Variants in PRKCH observed in about 807,000 individuals in gnomAD.
PRKCH encodes the protein protein kinase C eta type.
In PRKCH, 28 loss-of-function variants were observed where a neutral mutation model predicts 82.5. The ratio of observed to expected loss-of-function variants is 0.34; its 90% CI spans 0.25 to 0.47. The LOEUF is 0.47. Ranked by LOEUF, PRKCH falls within the 20% of genes least tolerant of loss-of-function variation. The pLI is 1.00. For missense variants in PRKCH, 705 were observed against 881.8 expected (o/e 0.80, Z 2.54); for synonymous variants, 322 against 327.4 (o/e 0.98, Z 0.18).
intron 2 of PRKCH, among the ~76,000 whole-genome samples, chr14:61,441,306 C>T (rs1307301680): frequency 6.6e-6 from 1 of 152,118 alleles, no homozygotes; most frequent in East Asian, 1.9e-4. Flanking sequence ...GAAGGGGCCA[C>T]CTGATTTCTA....
At chr14:61,200,722 G>T (rs2044474907) in intron 1 of PRKCH, among the ~76,000 whole-genome samples, 1 of 152,152 alleles carries the variant, frequency 6.6e-6, no homozygotes, top group African/African-American at 2.4e-5. Context: ...GAGAGAGAGA[G>T]AGAGAGACTA....
At chr14:61,295,131 G>A (rs2045396348) in intron 1 of PRKCH, among the ~76,000 whole-genome samples, 1 of 152,134 alleles carries the variant, frequency 6.6e-6, no homozygotes, top group Non-Finnish European at 1.5e-5. Flanking sequence ...CTCCCAAAGT[G>A]TTGTGATTAC....
intron 1 of PRKCH, among the ~76,000 whole-genome samples, chr14:61,252,146 T>C (rs1331958295): frequency 1.3e-5 from 2 of 152,150 alleles, no homozygotes; most frequent in African/African-American, 4.8e-5. Flanking sequence ...CCGAGGGTCT[T>C]ATTTTTAACA....
At chr14:61,359,973 C>T (rs1199183136) in intron 1 of PRKCH, among the ~76,000 whole-genome samples, 1 of 152,186 alleles carries the variant, frequency 6.6e-6, no homozygotes, top group Non-Finnish European at 1.5e-5. Flanking sequence ...CAGAGTTTTA[C>T]AGAGCTGTGA....
intron 1 of PRKCH, among the ~76,000 whole-genome samples, chr14:61,377,153 C>T (rs571018600): frequency 1.3e-5 from 2 of 152,310 alleles, no homozygotes; most frequent in Admixed American, 1.3e-4. Context: ...TTTGGCTTCT[C>T]CTCTCTTTTG....
intron 9 of PRKCH, among the ~76,000 whole-genome samples, chr14:61,484,778 T>TTTTTTTTG (rs1301072027): frequency 6.6e-6 from 1 of 151,108 alleles, no homozygotes; most frequent in African/African-American, 2.4e-5. Flanking sequence ...TTTTTTTTTT[T>TTTTTTTTG]TTTTTGGAAG....
intron 1 of PRKCH, among the ~76,000 whole-genome samples, chr14:61,291,415 C>T (rs1407411601): frequency 3.3e-5 from 5 of 150,132 alleles, no homozygotes; most frequent in Non-Finnish European, 5.9e-5. Context: ...CTGCAACCTC[C>T]GCCTACCGGG....
chr14:61,233,398 AAG>A (rs2140060794), intron 1 of PRKCH, among the ~76,000 whole-genome samples: 1 of 151,382 alleles, frequency 6.6e-6, no homozygotes, highest in Non-Finnish European at 1.5e-5. Context: ...CTCAAAAAAA[AAG>A]AAAAAAAGAA....
chr14:61,300,981 A>G lies in PRKCH; in HGVS notation c.-19+113313A>G, dbSNP rs957408913. 2.6e-5 allele frequency among the ~76,000 whole-genome samples: 4 copies of G among 152,242 alleles called. 1 individual carries two copies. The South Asian group carries it at 8.3e-4, about 32-fold the overall frequency. On this transcript the variant is annotated intron_variant, in intron 1 of 3. Coordinates refer to the PRKCH transcript ENST00000555185. ...CTGGTCCAACCGATCTTTGGGCCCT[A>G]TGTAAATCAGACACCACCTCCTCAA... is the stretch of plus-strand genomic sequence containing the variant.
intron 1 of PRKCH, among the ~76,000 whole-genome samples, chr14:61,365,808 A>G (rs930142813): frequency 1.3e-5 from 2 of 152,084 alleles, no homozygotes; most frequent in Admixed American, 6.5e-5. Flanking sequence ...TAAACACAGG[A>G]AAAGTTAGCT....
chr14:61,260,416 A>G (rs182120944), intron 1 of PRKCH, among the ~76,000 whole-genome samples: 1 of 152,324 alleles, frequency 6.6e-6, no homozygotes, highest in East Asian at 1.9e-4. Context: ...CTCAGTATCA[A>G]TTCTTCCGTC....
chr14:61,292,695 C>T (rs935584058), intron 1 of PRKCH, among the ~76,000 whole-genome samples: 3 of 141,548 alleles, frequency 2.1e-5, no homozygotes, highest in African/African-American at 5.1e-5. Context: ...TGCTTGAACC[C>T]GGGAGGCGGA....
intron 2 of PRKCH, among the ~76,000 whole-genome samples, chr14:61,429,654 A>G (rs2140257356): frequency 6.6e-6 from 1 of 152,348 alleles, no homozygotes; most frequent in East Asian, 1.9e-4. Flanking sequence ...AAAGAACTTG[A>G]CAATGAAACT....
chr14:61,221,169 C>T (rs569890783), intron 1 of PRKCH, among the ~76,000 whole-genome samples: 24 of 152,218 alleles, frequency 1.6e-4, no homozygotes, highest in African/African-American at 5.5e-4. Flanking sequence ...CCTCCAACAG[C>T]GATCGGCTCA....
chr14:61,396,259 T>C (rs553603065), intron 2 of PRKCH, among the ~76,000 whole-genome samples: 13 of 152,026 alleles, frequency 8.6e-5, no homozygotes, highest in Non-Finnish European at 1.6e-4. Flanking sequence ...TAAAAAAAAT[T>C]ACTTAAATTG....
At chr14:61,429,710 A>G (rs1458338033) in intron 2 of PRKCH, among the ~76,000 whole-genome samples, 1 of 152,192 alleles carries the variant, frequency 6.6e-6, no homozygotes, top group South Asian at 2.1e-4. Flanking sequence ...ATAAAAACCC[A>G]TATGTACTAG....
At chr14:61,497,531 A>G (rs1029700685) in intron 10 of PRKCH, among the ~76,000 whole-genome samples, 3 of 152,170 alleles carry the variant, frequency 2.0e-5, no homozygotes, top group African/African-American at 7.2e-5. Flanking sequence ...TAAGTGCACA[A>G]TTGGATAAAT....
chr14:61,480,989 A>C (rs1885945994), intron 9 of PRKCH, among the ~76,000 whole-genome samples: 2 of 151,856 alleles, frequency 1.3e-5, no homozygotes, highest in Non-Finnish European at 2.9e-5. Flanking sequence ...CTCCTCTCAG[A>C]AGCTTCCCCC....
chr14:61,424,640 C>T (rs1332861571), intron 2 of PRKCH, among the ~76,000 whole-genome samples: 2 of 152,132 alleles, frequency 1.3e-5, no homozygotes, highest in Non-Finnish European at 1.5e-5. Context: ...TCTGACAATG[C>T]AGTAGAAAAG....
Sources: gnomAD v4.1 joint callset for allele counts (sites outside exome capture counted in the v4.1 genomes callset) on GRCh38, gnomAD v4.1.1 for gene constraint, MANE v1.5 for transcripts, NCBI Gene and HGNC (gene_info 2026-07-23, HGNC 2026-07-21) for gene names.